Variants in RHBDD1 observed in about 807,000 individuals in gnomAD.
RHBDD1 encodes the protein rhomboid-related protein 4.
A neutral mutation model predicts 36.3 loss-of-function variants in RHBDD1; 38 were observed. That is an observed-to-expected ratio of 1.05 (90% CI 0.81 to 1.37). The LOEUF (loss-of-function observed/expected upper bound fraction) is 1.37, where lower values mean the gene tolerates loss of function less well. RHBDD1 is among the 40% of genes most tolerant of loss of function. The pLI, the probability that RHBDD1 is intolerant of heterozygous loss-of-function variation, is 0.00. For synonymous variants in RHBDD1, 151 were observed against 136.5 expected (o/e 1.11, Z -0.74); for missense variants, 393 against 377.6 (o/e 1.04, Z -0.34).
chr2:226,930,263 C>T (rs1949941369), intron 8 of RHBDD1, among the ~76,000 whole-genome samples: 1 of 151,994 alleles, frequency 6.6e-6, no homozygotes, highest in African/African-American at 2.4e-5. Context: ...AATTACACTA[C>T]AAGGATGTAG....
At chr2:226,862,094 A>G (rs1054845569) in intron 3 of RHBDD1, among the ~76,000 whole-genome samples, 2 of 152,218 alleles carry the variant, frequency 1.3e-5, no homozygotes, top group Non-Finnish European at 2.9e-5. Flanking sequence ...GATAATAAGA[A>G]TCCATATGGG....
intron 3 of RHBDD1, among the ~76,000 whole-genome samples, chr2:226,863,896 A>G (rs1944082878): frequency 6.6e-6 from 1 of 151,796 alleles, no homozygotes; most frequent in South Asian, 2.1e-4. Context: ...TCAGATCACC[A>G]CCTCAGGCTG....
At chr2:226,994,350 C>T (rs1354731619) in intron 8 of RHBDD1, among the ~76,000 whole-genome samples, 1 of 152,184 alleles carries the variant, frequency 6.6e-6, no homozygotes, top group Non-Finnish European at 1.5e-5. Flanking sequence ...AATGCCTACA[C>T]ATCTGGCAGG....
the RHBDD1 span, among the ~76,000 whole-genome samples, chr2:226,820,439 C>G: frequency 6.6e-6 from 1 of 152,084 alleles, no homozygotes; most frequent in Non-Finnish European, 1.5e-5. Flanking sequence ...ACCTAAGACT[C>G]CATCTTGCTC....
intron 8 of RHBDD1, among the ~76,000 whole-genome samples, chr2:226,994,388 C>G (rs964947701): frequency 1.1e-4 from 17 of 152,154 alleles, no homozygotes; most frequent in Non-Finnish European, 2.4e-4. Context: ...TGAAGACAAA[C>G]AAACGGAAGG....
intron 6 of RHBDD1, 50 bp downstream of exon 6, chr2:226,906,931 AATT>A: frequency 6.3e-7 from 1 of 1,590,472 alleles, no homozygotes. Context: ...AGTTCATGTT[AATT>A]TTAATGTGAA....
chr2:226,972,081 C>A (rs1001610702), intron 8 of RHBDD1, among the ~76,000 whole-genome samples: 1 of 152,016 alleles, frequency 6.6e-6, no homozygotes, highest in African/African-American at 2.4e-5. Flanking sequence ...ATCCCCTTGC[C>A]CCCTAACTCC....
chr2:226,916,882 T>C (rs1174459038), intron 8 of RHBDD1, among the ~76,000 whole-genome samples: 1 of 152,134 alleles, frequency 6.6e-6, no homozygotes, highest in East Asian at 1.9e-4. Flanking sequence ...AGGTGTCTTT[T>C]TTGAAAGAGA....
chr2:226,843,498 G>A (rs111497017), intron 3 of RHBDD1, among the ~76,000 whole-genome samples: 2,336 of 152,138 alleles, frequency 0.015, 56 homozygotes, highest in African/African-American at 0.053. Flanking sequence ...GAATTTTATC[G>A]AAGGCCTTTT....
the RHBDD1 span, chr2:226,811,113 A>ACAAAAGCCATTT: frequency 2.6e-5 from 4 of 152,252 alleles, no homozygotes; most frequent in Non-Finnish European, 5.9e-5. Context: ...GATTGCCAAA[A>ACAAAAGCCATTT]CAAAAGCCAT....
Position 226,865,052 on chromosome 2 carries a change from T to C in RHBDD1, c.359T>C (p.Leu120Pro). Residue 120 changes from leucine (L) to proline (P), a missense_variant, in exon 4 of 9, where the codon CTG (leucine) becomes CCG (proline). Transcript: ENST00000392062. Reference sequence around the variant, plus strand: ...TCTGTACTTACTGGAGTGGTATACCTGCTCTTGCAATTTGCTGTTGCCGAA... The same window carrying C: ...TCTGTACTTACTGGAGTGGTATACCCGCTCTTGCAATTTGCTGTTGCCGAA... ...AFSVLTGVVY[L>P]LLQFAVAEFM... 1 of 1,614,206 alleles carries C rather than the reference T, an allele frequency of 6.2e-7. No homozygotes were observed. Among genetic ancestry groups the C allele is most frequent in the Non-Finnish European group, 8.5e-7 (1 of 1,180,014 alleles).
At chr2:226,847,872 G>T (rs538753556) in intron 3 of RHBDD1, among the ~76,000 whole-genome samples, 1 of 152,282 alleles carries the variant, frequency 6.6e-6, no homozygotes, top group Admixed American at 6.5e-5. Flanking sequence ...AGTAAACCTT[G>T]CTTTGCAGGG....
rs914553211 is a variant in RHBDD1, at chr2:226,906,874, A to G, written c.648A>G (p.Ala216=). 2.5e-6 allele frequency: 4 copies of G among 1,614,046 alleles called. No individual in the cohort carries two copies. Among genetic ancestry groups the G allele is most frequent in the African/African-American group, 1.3e-5 (1 of 74,940 alleles). Residue 216 remains alanine, a synonymous_variant, in exon 6 of 9, where the codon GCA becomes GCG. Transcript: ENST00000392062. ...GGCCTCTGAAGAAAATCATGGAAGC[A>G]TGTGCAGGTACAGAATAAAACACCT... ...TQGPLKKIME[A]CAGGFSSSVG... is the part of the protein sequence containing the mutation.
intron 8 of RHBDD1, among the ~76,000 whole-genome samples, chr2:226,936,381 T>C (rs746729005): frequency 6.6e-6 from 1 of 152,096 alleles, no homozygotes; most frequent in Non-Finnish European, 1.5e-5. Flanking sequence ...GTTCAATAAT[T>C]TAAAATATTA....
chr2:226,917,867 A>G (rs1292123487), intron 8 of RHBDD1, among the ~76,000 whole-genome samples: 1 of 152,036 alleles, frequency 6.6e-6, no homozygotes, highest in African/African-American at 2.4e-5. Context: ...AAATATAAAA[A>G]TAAATAATTT....
rs369810471 is a variant in RHBDD1 at position 226,890,677 on chromosome 2, T to C, written c.567-16116T>C. On this transcript the variant is annotated intron_variant, in intron 5 of 8. Transcript: ENST00000392062. ...CTTTGTGTTACATACATTCCAATTA[T>C]GCTCTTTTAGTTATTTTAAAATGCT... 7.2e-5 allele frequency among the ~76,000 whole-genome samples: 11 copies of C among 152,242 alleles called. No homozygotes were observed. The East Asian group carries it at 9.6e-4, about 13-fold the overall frequency.
chr2:226,951,944 A>G (rs970251607), intron 8 of RHBDD1, among the ~76,000 whole-genome samples: 4 of 152,220 alleles, frequency 2.6e-5, no homozygotes, highest in African/African-American at 9.6e-5. Flanking sequence ...ACTAGAGGAG[A>G]TGTTTCTCTC....
rs373224648 is a variant in RHBDD1, at chr2:226,948,166, G to A, written c.856+33815G>A. ...TCAATAGCAAAGACTTGGAACCAGCGCAAATGTCCAACAATGATAGACTGG... is the reference window on the plus strand; with the variant it reads ...TCAATAGCAAAGACTTGGAACCAGCACAAATGTCCAACAATGATAGACTGG... On this transcript the variant is annotated intron_variant, in intron 8 of 8. Transcript: ENST00000392062. Among the ~76,000 whole-genome samples, 128 of 142,002 alleles carry A rather than the reference G, an allele frequency of 9.0e-4. 1 individual carries two copies. Among genetic ancestry groups the A allele is most frequent in the African/African-American group, 3.2e-3 (121 of 37,532 alleles). 93.2% of individuals were successfully genotyped at this position (142,002 alleles called of 152,430 possible).
At chr2:226,966,017 G>T (rs1486136852) in intron 8 of RHBDD1, among the ~76,000 whole-genome samples, 1 of 152,052 alleles carries the variant, frequency 6.6e-6, no homozygotes, top group East Asian at 1.9e-4. Flanking sequence ...ACATCAAAAA[G>T]TTAATTTACC....
Sources: allele counts gnomAD v4.1 joint callset (sites outside exome capture counted in the v4.1 genomes callset), GRCh38; gene constraint gnomAD v4.1.1; transcripts MANE v1.5; gene names NCBI Gene and HGNC (gene_info 2026-07-23, HGNC 2026-07-21).